Variants in FSTL4 observed in about 807,000 individuals in gnomAD.
The protein encoded by FSTL4 is follistatin-related protein 4.
A neutral mutation model predicts 78.2 loss-of-function variants in FSTL4; 28 were observed. That is an observed-to-expected ratio of 0.36 (90% confidence interval 0.27 to 0.49). The LOEUF (loss-of-function observed/expected upper bound fraction) is 0.49, where lower values mean the gene tolerates loss of function less well. FSTL4 is among the 20% of genes least tolerant of loss of function. The pLI, the probability that FSTL4 is intolerant of heterozygous loss-of-function variation, is 0.98. For synonymous variants in FSTL4, 422 were observed against 440.5 expected (o/e 0.96, Z 0.53); for missense variants, 922 against 1,084.9 (o/e 0.85, Z 2.11).
intron 3 of FSTL4, among the ~76,000 whole-genome samples, chr5:133,545,681 C>A (rs1759560303): frequency 6.6e-6 from 1 of 152,194 alleles, no homozygotes; most frequent in African/African-American, 2.4e-5. Flanking sequence ...GTTGAAGCAG[C>A]TTTTGGAACT....
Position 133,215,910 on chromosome 5 carries a change from CA to C in FSTL4, c.1608+1318del, listed in dbSNP as rs1208588309. Reference sequence around the variant, plus strand: ...TTTCTTTGCCTCCCTCTTATAAGGACATTTGTGATTGCATTTAGGGCCCATC... The same window carrying C: ...TTTCTTTGCCTCCCTCTTATAAGGACTTTGTGATTGCATTTAGGGCCCATC... On this transcript the variant is annotated intron_variant, in intron 13 of 15. Coordinates refer to ENST00000265342, the MANE Select transcript of FSTL4 (RefSeq NM_015082.2). 3.3e-5 allele frequency among the ~76,000 whole-genome samples: 5 copies of C among 152,134 alleles called. No individual in the cohort carries two copies. In the East Asian group the frequency reaches 9.6e-4, roughly 29 times the overall value.
rs755655632 is a variant in FSTL4 at position 133,199,254 on chromosome 5, A to G, written c.2370T>C (p.Gly790=). ...CACTGTCCCTCATGATTCTGTGGGT[A>G]CCCCCCCAGGGCTGAGCTGGCCCTG... ...PPAGPAQPWG[G]THRIMRDSGL... Residue 790 remains glycine (G), a synonymous_variant, in exon 16 of 16, where the codon GGT becomes GGC. Coordinates refer to ENST00000265342, the MANE Select transcript of FSTL4 (RefSeq NM_015082.2). The surrounding 1 kb of genome is among the most constrained non-coding windows in gnomAD (Gnocchi z 4.4). 9.3e-6 allele frequency: 15 copies of G among 1,612,802 alleles called. No homozygotes were observed. Among genetic ancestry groups the G allele is most frequent in the Non-Finnish European group, 1.3e-5 (15 of 1,179,366 alleles).
chr5:133,748,614 G>A, the FSTL4 span, among the ~76,000 whole-genome samples: 228 of 152,226 alleles, frequency 1.5e-3, no homozygotes, highest in African/African-American at 5.1e-3. Context: ...TTCCTTAATT[G>A]CTAACTGGTG....
chr5:133,342,073 G>C (rs921259465), intron 4 of FSTL4, among the ~76,000 whole-genome samples: 1 of 152,174 alleles, frequency 6.6e-6, no homozygotes, highest in East Asian at 1.9e-4. Flanking sequence ...AGAGGCCCCA[G>C]GAATGGACAG....
intron 4 of FSTL4, among the ~76,000 whole-genome samples, chr5:133,381,180 G>A (rs893450844): frequency 1.3e-5 from 2 of 152,172 alleles, no homozygotes; most frequent in East Asian, 3.8e-4. Context: ...ACTTTCACAG[G>A]TGCACAGGAA....
At chr5:133,463,044 C>T (rs1315624187) in intron 3 of FSTL4, among the ~76,000 whole-genome samples, 1 of 152,182 alleles carries the variant, frequency 6.6e-6, no homozygotes, top group Non-Finnish European at 1.5e-5. Flanking sequence ...GAAGTCTCTT[C>T]TAGGTCTCAG....
chr5:133,837,889 A>T, the FSTL4 span, among the ~76,000 whole-genome samples: 1 of 150,924 alleles, frequency 6.6e-6, no homozygotes, highest in East Asian at 1.9e-4. Flanking sequence ...TTTTTATTTT[A>T]TATATATATA....
chr5:133,358,479 G>A (rs1486468847), intron 4 of FSTL4, among the ~76,000 whole-genome samples: 2 of 152,186 alleles, frequency 1.3e-5, no homozygotes, highest in African/African-American at 4.8e-5. Context: ...GGAGGGCGAG[G>A]GGGCCTGGGC....
At chr5:133,653,931 T>C in the FSTL4 span, among the ~76,000 whole-genome samples, 1 of 152,234 alleles carries the variant, frequency 6.6e-6, no homozygotes, top group African/African-American at 2.4e-5. Flanking sequence ...GGTTCATTAT[T>C]CCTTTCTTTA....
chr5:133,261,097 A>G (rs778185906), intron 6 of FSTL4, among the ~76,000 whole-genome samples: 14 of 152,196 alleles, frequency 9.2e-5, no homozygotes, highest in Non-Finnish European at 1.6e-4. Flanking sequence ...ATTGGTTGAG[A>G]TGGTCTTCAG....
intron 3 of FSTL4, among the ~76,000 whole-genome samples, chr5:133,469,742 G>T (rs1757781752): frequency 6.6e-6 from 1 of 152,042 alleles, no homozygotes; most frequent in African/African-American, 2.4e-5. Context: ...GGTGAGCAAG[G>T]GATTTAAGTA....
At chr5:133,421,008 C>T (rs944046550) in intron 3 of FSTL4, among the ~76,000 whole-genome samples, 1 of 152,230 alleles carries the variant, frequency 6.6e-6, no homozygotes, top group Admixed American at 6.5e-5. Context: ...CTGCTTCTCA[C>T]CCCTATCCCC....
At chr5:133,771,047 A>G in the FSTL4 span, among the ~76,000 whole-genome samples, 1 of 151,902 alleles carries the variant, frequency 6.6e-6, no homozygotes, top group Non-Finnish European at 1.5e-5. Flanking sequence ...GGGTGGCTTT[A>G]TTTCTAGGCT....
the FSTL4 span, among the ~76,000 whole-genome samples, chr5:133,633,291 C>G: frequency 1.3e-5 from 2 of 152,100 alleles, no homozygotes; most frequent in African/African-American, 4.8e-5. Context: ...CCCACAGGTT[C>G]CTGAGACTCT....
chr5:133,551,695 A>T (rs986909807), intron 3 of FSTL4, among the ~76,000 whole-genome samples: 2 of 152,248 alleles, frequency 1.3e-5, no homozygotes, highest in Non-Finnish European at 2.9e-5. Context: ...CTGATTAAAA[A>T]CATACTTTTA....
intron 2 of FSTL4, among the ~76,000 whole-genome samples, chr5:133,603,555 T>C (rs1470965059): frequency 6.6e-6 from 1 of 152,206 alleles, no homozygotes; most frequent in Non-Finnish European, 1.5e-5. Context: ...AGAGTTTTAT[T>C]AAATATACAG....
At chr5:133,391,784 C>A (rs553834609) in intron 4 of FSTL4, among the ~76,000 whole-genome samples, 2 of 152,236 alleles carry the variant, frequency 1.3e-5, no homozygotes, top group South Asian at 2.1e-4. Context: ...CCTAACCCCC[C>A]GGCCTGCTGC....
chr5:133,683,827 A>T, the FSTL4 span, among the ~76,000 whole-genome samples: 1 of 152,292 alleles, frequency 6.6e-6, no homozygotes, highest in South Asian at 2.1e-4. Context: ...CCTGCTTCAG[A>T]ACTGGACTTG....
At chr5:133,511,895 T>A (rs1252013077) in intron 3 of FSTL4, among the ~76,000 whole-genome samples, 1 of 152,108 alleles carries the variant, frequency 6.6e-6, no homozygotes, top group Non-Finnish European at 1.5e-5. Context: ...TGAGCGTCAT[T>A]CAAGGTGGAG....
Sources: gnomAD v4.1 joint callset for allele counts (sites outside exome capture counted in the v4.1 genomes callset) on GRCh38, gnomAD v4.1.1 for gene constraint, Gnocchi (gnomAD v3.1) non-coding constraint, MANE v1.5 for transcripts, NCBI Gene and HGNC (gene_info 2026-07-23, HGNC 2026-07-21) for gene names.